Variants in N4BP2L1 observed in about 807,000 individuals in gnomAD.
N4BP2L1 encodes the protein NEDD4 binding protein 2 like 1.
N4BP2L1 carries 12 observed loss-of-function variants against 21.2 expected under a neutral mutation model. That is an observed-to-expected ratio of 0.57 (90% CI 0.36 to 0.92). The LOEUF is 0.92. N4BP2L1 is among the 40% of genes least tolerant of loss of function. N4BP2L1 has a pLI of 0.01. For missense variants in N4BP2L1, 259 were observed against 310.6 expected (o/e 0.83, Z 1.25); for synonymous variants, 104 against 112.8 (o/e 0.92, Z 0.49).
chr13:32,409,694 T>C (rs2073737779), intron 1 of N4BP2L1, among the ~76,000 whole-genome samples: 1 of 151,538 alleles, frequency 6.6e-6, no homozygotes, highest in Admixed American at 6.6e-5. Flanking sequence ...CCGGGGAAAG[T>C]GATGCAAAGG....
intron 1 of N4BP2L1, chr13:32,425,408 G>A (rs575780964): frequency 2.0e-5 from 3 of 152,386 alleles, no homozygotes; most frequent in South Asian, 2.1e-4. Context: ...AATGCCCAGC[G>A]AAACGGGAGG....
At position 32,402,492 on chromosome 13, in the gene N4BP2L1, AGC is replaced by A. The variant is rs2073192231; in HGVS notation, c.*448_*449del. On this transcript the variant is annotated 3_prime_UTR_variant, in exon 5 of 5. Transcript: ENST00000380130. ...TTTTAGATACATAGATTATCAAAGTAGCAATGGCACTTTGATAAGTAGCAATG... is the reference window on the plus strand; with the variant it reads ...TTTTAGATACATAGATTATCAAAGTAAATGGCACTTTGATAAGTAGCAATG... 1 of 945,750 alleles carries A rather than the reference AGC, an allele frequency of 1.1e-6. No homozygotes were observed. The highest frequency in any genetic ancestry group is 2.0e-5 in the African/African-American group (1 of 49,222). 58.6% of individuals were successfully genotyped at this position (945,750 alleles called of 1,614,324 possible). A position where few individuals can be genotyped will look rare whatever the true frequency, so the allele number is the denominator to read the frequency against.
chr13:32,424,737 A>G (rs758594879), intron 1 of N4BP2L1, among the ~76,000 whole-genome samples: 1 of 152,244 alleles, frequency 6.6e-6, no homozygotes, highest in Non-Finnish European at 1.5e-5. Flanking sequence ...AAGCAGATTT[A>G]GGGCACATGC....
intron 1 of N4BP2L1, among the ~76,000 whole-genome samples, chr13:32,417,433 GATGT>G (rs994294743): frequency 3.3e-5 from 5 of 152,132 alleles, no homozygotes; most frequent in African/African-American, 9.7e-5. Context: ...ACCATGTGAG[GATGT>G]GTTTGCTTCC....
At chr13:32,416,604 A>T (rs1169090775) in intron 1 of N4BP2L1, 1 of 152,058 alleles carries the variant, frequency 6.6e-6, no homozygotes, top group Non-Finnish European at 1.5e-5. Context: ...AGATGCTAAA[A>T]TTGCCTTTTT....
intron 1 of N4BP2L1, among the ~76,000 whole-genome samples, chr13:32,411,324 ATTTTTTT>A (rs3072043): frequency 1.4e-5 from 2 of 141,066 alleles, no homozygotes; most frequent in African/African-American, 2.6e-5. Flanking sequence ...AAGGCCAAGG[ATTTTTTT>A]TTTTTTTTTT....
chr13:32,403,291 G>A (rs948888969), intron 4 of N4BP2L1, 91 bp from the exon 5 acceptor site: 8 of 1,342,028 alleles, frequency 6.0e-6, no homozygotes, highest in Non-Finnish European at 6.1e-6. Context: ...AGATATTGCA[G>A]TCCCTGTTCT....
At chr13:32,413,246 TA>T (rs1480212537) in intron 1 of N4BP2L1, among the ~76,000 whole-genome samples, 2 of 152,198 alleles carry the variant, frequency 1.3e-5, no homozygotes, top group Admixed American at 1.3e-4. Flanking sequence ...TTTTTAAATT[TA>T]AATTTTTAAA....
intron 1 of N4BP2L1, among the ~76,000 whole-genome samples, chr13:32,411,121 C>T (rs1303813885): frequency 1.3e-5 from 2 of 152,130 alleles, no homozygotes; most frequent in Non-Finnish European, 2.9e-5. Flanking sequence ...CTATTTCCTT[C>T]TAGAAAACAA....
chr13:32,406,410 T>G (rs1022338880), intron 3 of N4BP2L1: 1 of 152,234 alleles, frequency 6.6e-6, no homozygotes, highest in African/African-American at 2.4e-5. Flanking sequence ...TTATTTATAT[T>G]TGCATTCTAC....
rs1447377613 is a variant in N4BP2L1 at position 32,400,787 on chromosome 13, G to A, written c.*2155C>T. 1 of 152,158 alleles carries A rather than the reference G, an allele frequency of 6.6e-6. No individual in the cohort carries two copies. The highest frequency in any genetic ancestry group is 1.5e-5 in the Non-Finnish European group (1 of 68,026). 9.4% of individuals were successfully genotyped at this position (152,158 alleles called of 1,614,324 possible). A position where few individuals can be genotyped will look rare whatever the true frequency, so the allele number is the denominator to read the frequency against. On this transcript the variant is annotated 3_prime_UTR_variant, in exon 5 of 5. Transcript: ENST00000380130. ...AATGAGACCCTATTGCCCATAAAGA[G>A]CATTTGCCAGTTCTATGAATGATGC...
At chr13:32,411,849 G>A (rs1012193326) in intron 1 of N4BP2L1, 1 of 899,946 alleles carries the variant, frequency 1.1e-6, no homozygotes, top group African/African-American at 1.8e-5. Context: ...GTCAGACATT[G>A]CATGTAATTT....
intron 1 of N4BP2L1, among the ~76,000 whole-genome samples, chr13:32,408,372 A>T (rs556841390): frequency 1.3e-5 from 2 of 152,214 alleles, no homozygotes; most frequent in African/African-American, 2.4e-5. Flanking sequence ...ATGGGAGAAA[A>T]GCACAACAGG....
chr13:32,403,440 T>G (rs1402546361), intron 4 of N4BP2L1, among the ~76,000 whole-genome samples: 2 of 152,168 alleles, frequency 1.3e-5, no homozygotes, highest in Non-Finnish European at 2.9e-5. Context: ...TCAGAAATGC[T>G]TTGTTTCTGG....
intron 1 of N4BP2L1, among the ~76,000 whole-genome samples, chr13:32,426,110 T>A (rs2138014625): frequency 6.6e-6 from 1 of 152,268 alleles, no homozygotes; most frequent in East Asian, 1.9e-4. Flanking sequence ...GCTTCACAGA[T>A]GAGGAATGTG....
intron 1 of N4BP2L1, among the ~76,000 whole-genome samples, chr13:32,408,734 A>G (rs1157662909): frequency 6.6e-6 from 1 of 152,250 alleles, no homozygotes; most frequent in Admixed American, 6.5e-5. Flanking sequence ...GATATTTAAA[A>G]ATCGGAGGAA....
intron 1 of N4BP2L1, chr13:32,415,895 AAC>A (rs1231674557): frequency 1.3e-5 from 2 of 152,174 alleles, no homozygotes; most frequent in Non-Finnish European, 2.9e-5. Flanking sequence ...TCCCCTTTTC[AAC>A]AGCACTTATC....
intron 1 of N4BP2L1, among the ~76,000 whole-genome samples, chr13:32,413,358 T>A (rs910337875): frequency 6.6e-6 from 1 of 152,258 alleles, no homozygotes; most frequent in Non-Finnish European, 1.5e-5. Context: ...GTCCTCATGC[T>A]GTTTTGGTTT....
At chr13:32,405,610 G>T (rs1244424086) in intron 3 of N4BP2L1, among the ~76,000 whole-genome samples, 1 of 152,122 alleles carries the variant, frequency 6.6e-6, no homozygotes, top group East Asian at 1.9e-4. Flanking sequence ...GACTCTTCAC[G>T]TGCCTGTTCA....
Sources: gnomAD v4.1 joint callset for allele counts (sites outside exome capture counted in the v4.1 genomes callset) on GRCh38, gnomAD v4.1.1 for gene constraint, MANE v1.5 for transcripts, NCBI Gene and HGNC (gene_info 2026-07-23, HGNC 2026-07-21) for gene names.